RBPJ: variants seen among roughly 807,000 people sequenced by gnomAD.
The protein encoded by RBPJ is recombining binding protein suppressor of hairless.
RBPJ carries 9 observed loss-of-function variants against 67.8 expected under a neutral mutation model. The ratio of observed to expected loss-of-function variants is 0.13; its 90% CI spans 0.08 to 0.23. The LOEUF is 0.23. Among genes scored for constraint, RBPJ ranks in the 10% least tolerant of loss-of-function variants. The pLI, the probability that RBPJ is intolerant of heterozygous loss-of-function variation, is 1.00. For synonymous variants in RBPJ, 198 were observed against 203.3 expected (o/e 0.97, Z 0.22); for missense variants, 305 against 595.6 (o/e 0.51, Z 5.08).
rs59647814 is a variant in RBPJ at position 26,414,969 on chromosome 4, A to G, written c.156-506A>G. 5.0e-3 allele frequency among the ~76,000 whole-genome samples: 768 copies of G among 152,278 alleles called. 10 individuals carry two copies. Among genetic ancestry groups the G allele is most frequent in the African/African-American group, 0.018 (743 of 41,548 alleles). On this transcript the variant is annotated intron_variant, in intron 3 of 10. Coordinates refer to ENST00000355476, the MANE Select transcript of RBPJ (RefSeq NM_015874.6). ...TTGGCTCTTTTGCTTAGTTTTATTA[A>G]TATTTTGGATGTTTCTACTATGGAC... is the stretch of plus-strand genomic sequence containing the variant.
At chr4:26,206,882 G>A (rs1031353639) in intron 1 of RBPJ, among the ~76,000 whole-genome samples, 4 of 151,646 alleles carry the variant, frequency 2.6e-5, no homozygotes, top group Admixed American at 2.6e-4. Context: ...TTTTAAAGGA[G>A]GATTGTACTA....
intron 1 of RBPJ, among the ~76,000 whole-genome samples, chr4:26,382,850 C>T (rs377701375): frequency 3.0e-4 from 46 of 152,296 alleles, no homozygotes; most frequent in African/African-American, 1.1e-3. Context: ...TAAAATTATG[C>T]ATTGTCAACC....
chr4:26,316,364 CATATATACATTCAT>C (rs1171704728), upstream of RBPJ, among the ~76,000 whole-genome samples: 151 of 144,670 alleles, frequency 1.0e-3, no homozygotes, highest in African/African-American at 3.5e-3. Flanking sequence ...TATATACATT[CATATATACATTCAT>C]ATATATACAT....
At chr4:26,354,800 A>G (rs1727189463) in intron 1 of RBPJ, among the ~76,000 whole-genome samples, 1 of 152,082 alleles carries the variant, frequency 6.6e-6, no homozygotes, top group African/African-American at 2.4e-5. Flanking sequence ...ATATACAGAA[A>G]CTGTAATTGT....
chr4:26,184,940 G>A (rs1299702094), intron 1 of RBPJ, among the ~76,000 whole-genome samples: 3 of 152,010 alleles, frequency 2.0e-5, no homozygotes, highest in Admixed American at 6.5e-5. Context: ...TCAGGAGTTC[G>A]AGACCAGCCT....
At chr4:26,391,224 C>T (rs61577242) in intron 2 of RBPJ, among the ~76,000 whole-genome samples, 2,799 of 152,094 alleles carry the variant, frequency 0.018, 93 homozygotes, top group African/African-American at 0.063. Context: ...AAAGAACTTA[C>T]ACTGCCTGGT....
At chr4:26,427,622 C>T (rs1038617763) in intron 7 of RBPJ, among the ~76,000 whole-genome samples, 2 of 152,008 alleles carry the variant, frequency 1.3e-5, no homozygotes, top group South Asian at 2.1e-4. Context: ...AGAAAAGTGC[C>T]GTGAGATGCA....
At chr4:26,240,612 T>G (rs1719603398) in intron 1 of RBPJ, among the ~76,000 whole-genome samples, 1 of 151,950 alleles carries the variant, frequency 6.6e-6, no homozygotes, top group Non-Finnish European at 1.5e-5. Flanking sequence ...TGGAAGGGGG[T>G]CCTTGATGTC....
intron 1 of RBPJ, among the ~76,000 whole-genome samples, chr4:26,308,207 C>T (rs1218742041): frequency 1.3e-5 from 2 of 151,850 alleles, no homozygotes; most frequent in African/African-American, 2.4e-5. Context: ...GCCCGGGAGG[C>T]GGAGCTTGCA....
intron 1 of RBPJ, among the ~76,000 whole-genome samples, chr4:26,247,021 G>C (rs1719952442): frequency 6.9e-6 from 1 of 145,524 alleles, no homozygotes; most frequent in Admixed American, 7.0e-5. Flanking sequence ...CACCCAGGCA[G>C]GAATGCAGTG....
intron 1 of RBPJ, among the ~76,000 whole-genome samples, chr4:26,338,577 C>CTTTTTT (rs34060445): frequency 7.3e-6 from 1 of 137,576 alleles, no homozygotes. Context: ...TAGGCTCTAA[C>CTTTTTT]TTTTTTTTTT....
At chr4:26,249,417 T>C (rs1720025310) in intron 1 of RBPJ, among the ~76,000 whole-genome samples, 1 of 152,156 alleles carries the variant, frequency 6.6e-6, no homozygotes, top group South Asian at 2.1e-4. Context: ...CCCAGCACTT[T>C]ATGAGGCTGA....
intron 2 of RBPJ, among the ~76,000 whole-genome samples, chr4:26,388,075 C>T (rs1457001072): frequency 1.3e-5 from 2 of 152,070 alleles, no homozygotes; most frequent in Admixed American, 6.6e-5. Flanking sequence ...AGAAAATATC[C>T]ATAACAAGAA....
At chr4:26,236,781 A>G (rs1384102586) in intron 1 of RBPJ, among the ~76,000 whole-genome samples, 1 of 152,208 alleles carries the variant, frequency 6.6e-6, no homozygotes, top group African/African-American at 2.4e-5. Flanking sequence ...CAGTATCTCT[A>G]TTATCAGGAA....
At chr4:26,286,112 A>G (rs909682450) in intron 1 of RBPJ, among the ~76,000 whole-genome samples, 2 of 143,200 alleles carry the variant, frequency 1.4e-5, no homozygotes, top group Admixed American at 7.3e-5. Flanking sequence ...AAAAATCTTT[A>G]AAACATGTTT....
At chr4:26,353,340 G>C (rs1726999813) in intron 1 of RBPJ, among the ~76,000 whole-genome samples, 1 of 152,146 alleles carries the variant, frequency 6.6e-6, no homozygotes, top group South Asian at 2.1e-4. Context: ...GATTTGATTT[G>C]TTAAATGCAT....
At chr4:26,215,501 CA>C (rs1468720006) in intron 1 of RBPJ, among the ~76,000 whole-genome samples, 1 of 151,954 alleles carries the variant, frequency 6.6e-6, no homozygotes, top group Non-Finnish European at 1.5e-5. Flanking sequence ...AAAATCAACT[CA>C]TATAAAGTTT....
chr4:26,418,775 T>C (rs769393623), intron 4 of RBPJ, among the ~76,000 whole-genome samples: 1 of 152,238 alleles, frequency 6.6e-6, no homozygotes, highest in Admixed American at 6.5e-5. Flanking sequence ...CTTTAGTACA[T>C]TGATACCCAT....
At chr4:26,113,319 C>A in the RBPJ span, 1 of 493,270 alleles carries the variant, frequency 2.0e-6, no homozygotes, top group Non-Finnish European at 4.0e-6. Flanking sequence ...GATAAATAAA[C>A]CTACGAATGT....
Sources: gnomAD v4.1 joint callset for allele counts (sites outside exome capture counted in the v4.1 genomes callset) on GRCh38, gnomAD v4.1.1 for gene constraint, MANE v1.5 for transcripts, NCBI Gene and HGNC (gene_info 2026-07-23, HGNC 2026-07-21) for gene names.